ABCA7: variants seen among roughly 807,000 people sequenced by gnomAD.
ABCA7 encodes phospholipid-transporting ATPase ABCA7.
Under a neutral mutation model 227.6 loss-of-function variants are expected in ABCA7, and 261 were observed. The ratio of observed to expected loss-of-function variants is 1.15; its 90% confidence interval spans 1.04 to 1.27. The LOEUF (loss-of-function observed/expected upper bound fraction) is 1.27. Ranked by LOEUF, ABCA7 falls within the 50% of genes most tolerant of loss-of-function variation. The pLI, the probability that ABCA7 is intolerant of heterozygous loss-of-function variation, is 0.00. For missense variants in ABCA7, 3,331 were observed against 2,924.5 expected (o/e 1.14, Z -3.21); for synonymous variants, 1,488 against 1,279.7 (o/e 1.16, Z -3.47).
rs776612124 is a variant in ABCA7 at position 1,050,759 on chromosome 19, A to G, written c.2553-162A>G. On this transcript the variant is annotated intron_variant, in intron 18 of 46. Transcript: ENST00000263094. ...CGTGCCGCTGCACTCCAGCCTGGGC[A>G]ACAGAGTGAAACTCCGTCTCAAAAA... Among the ~76,000 whole-genome samples, 295 of 149,894 alleles carry G rather than the reference A, an allele frequency of 2.0e-3. 2 individuals carry two copies. The highest frequency in any genetic ancestry group is 3.4e-3 in the Non-Finnish European group (231 of 67,702).
Position 1,052,112 on chromosome 19 carries a change from A to G in ABCA7, c.3133A>G (p.Thr1045Ala), listed in dbSNP as rs1304271543. Residue 1045 changes from threonine to alanine, a missense_variant, in exon 22 of 47, where the codon ACC becomes GCC. Thr to Ala is a moderately conservative substitution (Grantham distance 58). Coordinates refer to ENST00000263094, the MANE Select transcript of ABCA7 (RefSeq NM_019112.4). ...GCTGGTGAAGGCCCGCCTGCCCCTGACCACCAATGAGAAGGTGGGGACCGG... is the reference window on the plus strand; with the variant it reads ...GCTGGTGAAGGCCCGCCTGCCCCTGGCCACCAATGAGAAGGTGGGGACCGG... ...LTLVKARLPL[T>A]TNEKADTDME... 1.9e-6 allele frequency: 3 copies of G among 1,612,042 alleles called. No homozygotes were observed. The Admixed American group carries it at 5.0e-5, about 27-fold the overall frequency.
In ABCA7 at chr19:1,058,143, C is replaced by T; in HGVS notation, c.5026-3C>T. The T allele has an allele frequency of 1.2e-6, 2 of 1,613,936 alleles. No individual in the cohort carries two copies. Among genetic ancestry groups the T allele is most frequent in the Non-Finnish European group, 1.7e-6 (2 of 1,179,970 alleles). On this transcript the variant is annotated splice_region_variant and splice_polypyrimidine_tract_variant and intron_variant, in intron 36 of 46. Coordinates refer to ENST00000263094, the MANE Select transcript of ABCA7 (RefSeq NM_019112.4). ...CCAACATCCGTCTCCCACCCTTGAG[C>T]AGAAGCTGCAGGAGGTGAGCCGGAT...
At position 1,056,468 on chromosome 19, in the gene ABCA7, C is replaced by G. The variant is rs1326415091; in HGVS notation, c.4555C>G (p.Leu1519Val). The stretch of plus-strand genomic sequence containing the variant: ...CACCACACTCAACCACCCCTTGAAC[C>G]TCACCAAGGAGCAGCTGTCTGAGGG... ...SITTLNHPLN[L>V]TKEQLSEGAL... The change falls in exon 33 of 47, where the codon CTC (leucine) becomes GTC (valine). Residue 1519 changes from leucine (L) to valine (V), a missense_variant. Leu to Val is a conservative substitution (Grantham distance 32). Coordinates refer to ENST00000263094, the MANE Select transcript of ABCA7 (RefSeq NM_019112.4). The surrounding 1 kb of genome is among the most constrained non-coding windows in gnomAD (Gnocchi z 4.3). The G allele has an allele frequency of 4.3e-6, 7 of 1,613,432 alleles. No homozygotes were observed. Among genetic ancestry groups the G allele is most frequent in the Non-Finnish European group, 5.9e-6 (7 of 1,179,998 alleles).
chr19:1,045,374 C>A, intron 12 of ABCA7, 143 bp downstream of exon 12: 1 of 889,192 alleles, frequency 1.1e-6, no homozygotes, highest in Non-Finnish European at 1.7e-6. Flanking sequence ...AGCCAGAGCC[C>A]GGGGCTCCTT....
In ABCA7 at chr19:1,042,316, C is replaced by G. The variant is rs1366219978; in HGVS notation, c.417C>G (p.Ala139=). The change falls in exon 6 of 47, where the codon GCC becomes GCG. Residue 139 remains alanine (A), a splice_region_variant and synonymous_variant. Transcript: ENST00000263094. ...TGCTCCCGTGCGCTCCTCCCCCAGC[C>G]CAGCCTCAACCAACCAAGCAGTCTC... ...IATLRAARST[A]QPQPTKQSPL... is the part of the protein sequence containing the mutation. The G allele has an allele frequency of 1.3e-6, 2 of 1,575,970 alleles. No individual in the cohort carries two copies. Among genetic ancestry groups the G allele is most frequent in the African/African-American group, 1.3e-5 (1 of 74,582 alleles).
chr19:1,051,927 G>C lies in ABCA7; in HGVS notation c.2963-15G>C. 3 of 1,607,464 alleles carry C rather than the reference G, an allele frequency of 1.9e-6. No individual in the cohort carries two copies. Among genetic ancestry groups the C allele is most frequent in the Non-Finnish European group, 2.5e-6 (3 of 1,177,460 alleles). On this transcript the variant is annotated splice_polypyrimidine_tract_variant and intron_variant, in intron 21 of 46. Transcript: ENST00000263094. The stretch of plus-strand genomic sequence containing the variant: ...GCGGCCTGATGGTAGTTGTGGGTTG[G>C]TCCCCCGTGCCTAGGTCGCACGCTG...
rs2041971596 is a variant in ABCA7 at position 1,053,538 on chromosome 19, G to C, written c.3423+7G>C. 3 of 1,556,980 alleles carry C rather than the reference G, an allele frequency of 1.9e-6. No individual in the cohort carries two copies. Among genetic ancestry groups the C allele is most frequent in the East Asian group, 2.4e-5 (1 of 41,846 alleles). On this transcript the variant is annotated splice_region_variant and intron_variant, in intron 24 of 46. Transcript: ENST00000263094. ...CGACACCAGCCTCGAGGAGGTGTGAGGCCTGGGTGGTGGTGAGGTGGGGCC... is the reference window on the plus strand; with the variant it reads ...CGACACCAGCCTCGAGGAGGTGTGACGCCTGGGTGGTGGTGAGGTGGGGCC...
chr19:1,045,254 G>C, intron 12 of ABCA7, 23 bp downstream of exon 12: 2 of 1,572,410 alleles, frequency 1.3e-6, no homozygotes, highest in Non-Finnish European at 1.7e-6. Context: ...AGGGGGCGGG[G>C]GGATGAGGGA....
Position 1,053,823 on chromosome 19 carries a change from C to T in ABCA7, c.3459C>T (p.Asp1153=), listed in dbSNP as rs777937387. 1.2e-6 allele frequency: 2 copies of T among 1,612,128 alleles called. No individual in the cohort carries two copies. The highest frequency in any genetic ancestry group is 2.2e-5 in the South Asian group (2 of 90,944). The part of the protein sequence containing the change: ...FLKVVEECAA[D]TDMEDGSCGQ... ...AGGTGGTGGAGGAGTGTGCTGCGGA[C>T]ACAGATATGGAGGGTGCGGCCACAG... The change falls in exon 25 of 47, where the codon GAC becomes GAT. Residue 1153 remains aspartate (D), a synonymous_variant. Coordinates refer to ENST00000263094, the MANE Select transcript of ABCA7 (RefSeq NM_019112.4).
rs767500794 is a variant in ABCA7 at position 1,049,000 on chromosome 19, C to T, written c.2375C>T (p.Pro792Leu). 1.3e-6 allele frequency: 2 copies of T among 1,584,418 alleles called. No homozygotes were observed. Among genetic ancestry groups the T allele is most frequent in the African/African-American group, 2.7e-5 (2 of 73,830 alleles). The stretch of plus-strand genomic sequence containing the variant: ...GCCCCTTGCCCCACCCCGCTGGACC[C>T]AAAGGGTGAGGCACTACGAGGCTTA... ...SPAPCPTPLD[P>L]KVLVEEAPPG... The change falls in exon 17 of 47, where the codon CCA becomes CTA. Residue 792 changes from proline (P) to leucine (L), a missense_variant. Physicochemically the swap from Pro to Leu is moderately conservative, Grantham distance 98. Transcript: ENST00000263094.
At chr19:1,051,375 GA>G in intron 20 of ABCA7, 73 bp from the exon 21 acceptor site, 3 of 711,820 alleles carry the variant, frequency 4.2e-6, no homozygotes, top group Middle Eastern at 6.0e-4. Flanking sequence ...GCCGGGTACT[GA>G]GGTCCACGTG....
At chr19:1,064,295 G>A in intron 45 of ABCA7, 42 bp downstream of exon 45, 1 of 1,521,846 alleles carries the variant, frequency 6.6e-7, no homozygotes, top group Non-Finnish European at 8.8e-7. Context: ...GGTGAGGGTG[G>A]GCACGTAGGT....
Position 1,043,835 on chromosome 19 carries a change from G to A in ABCA7, c.1041G>A (p.Met347Ile). The change falls in exon 10 of 47, where the codon ATG becomes ATA. Residue 347 changes from methionine to isoleucine, a missense_variant. By Grantham distance (10) the Met-to-Ile change is conservative. Transcript: ENST00000263094. The part of the protein sequence containing the change: ...TFMNDSSNVA[M>I]LQRLLQMQDE... ...TGAACGACAGTTCCAATGTGGCCAT[G>A]CTGCAGGTGTGCGGGGGTGCTGGGG... 2 of 1,613,110 alleles carry A rather than the reference G, an allele frequency of 1.2e-6. No individual in the cohort carries two copies. The highest frequency in any genetic ancestry group is 1.7e-6 in the Non-Finnish European group (2 of 1,179,934).
intron 45 of ABCA7, 153 bp from the exon 46 acceptor site, chr19:1,064,778 G>T (rs1422132809): frequency 1.6e-6 from 2 of 1,248,388 alleles, no homozygotes; most frequent in Non-Finnish European, 2.1e-6. Context: ...CTACGCGGGC[G>T]GGGGGTGGCG....
chr19:1,041,701 C>A, intron 3 of ABCA7, 98 bp downstream of exon 3: 1 of 1,576,248 alleles, frequency 6.3e-7, no homozygotes, highest in Admixed American at 1.7e-5. Context: ...GGAGCCTTCA[C>A]CAGGCCGCCA....
At position 1,043,348 on chromosome 19, in the gene ABCA7, G is replaced by A. The variant is rs77419367; in HGVS notation, c.805G>A (p.Glu269Lys). ...CCCCATCCCAGGCCCCGCCTGCTCG[G>A]AGCTGATTGGAGCCCTGGACAGCCA... The part of the protein sequence containing the change: ...PDSSLSPACS[E>K]LIGALDSHPL... Residue 269 changes from glutamate (E) to lysine (K), a missense_variant, in exon 9 of 47, where the codon GAG (glutamate) becomes AAG (lysine). By Grantham distance (56) the Glu-to-Lys change is moderately conservative. Coordinates refer to ENST00000263094, the MANE Select transcript of ABCA7 (RefSeq NM_019112.4). The A allele has an allele frequency of 1.9e-5, 30 of 1,613,116 alleles. No individual in the cohort carries two copies. The East Asian group carries it at 6.5e-4, about 35-fold the overall frequency.
rs537223763 is a variant in ABCA7, at chr19:1,046,323, A to C, written c.1539A>C (p.Ala513=). The part of the protein sequence containing the change: ...FVYLQDLVER[A]AVRVLSGANP... ...ACCTGCAAGACCTGGTGGAGCGTGCAGCCGTCCGCGTGCTCAGCGGCGCCA... is the reference window on the plus strand; with the variant it reads ...ACCTGCAAGACCTGGTGGAGCGTGCCGCCGTCCGCGTGCTCAGCGGCGCCA... Residue 513 remains alanine (A), a synonymous_variant, in exon 13 of 47, where the codon GCA becomes GCC. Coordinates refer to ENST00000263094, the MANE Select transcript of ABCA7 (RefSeq NM_019112.4). 13 of 1,603,866 alleles carry C rather than the reference A, an allele frequency of 8.1e-6. No homozygotes were observed. The South Asian group carries it at 1.2e-4, about 15-fold the overall frequency.
chr19:1,064,909 G>T (rs1471213965), intron 45 of ABCA7, 22 bp from the exon 46 acceptor site: 1 of 1,554,824 alleles, frequency 6.4e-7, no homozygotes, highest in Admixed American at 1.9e-5. Context: ...CGATCCGGTA[G>T]CCCTGGCCCC....
In ABCA7 at chr19:1,046,950, C is replaced by T. The variant is rs758537501; in HGVS notation, c.1771C>T (p.Leu591Phe). ...CGCCATGGGGCTCAGCCGCGCGGTG[C>T]TCTGGCTAGGCTGGTTCCTCAGCTG... ...MRAMGLSRAV[L>F]WLGWFLSCLG... Residue 591 changes from leucine to phenylalanine, a missense_variant, in exon 14 of 47, where the codon CTC (leucine) becomes TTC (phenylalanine). Physicochemically the swap from Leu to Phe is conservative, Grantham distance 22 (BLOSUM62 0). Transcript: ENST00000263094. 6.4e-7 allele frequency: 1 copy of T among 1,570,912 alleles called. No individual in the cohort carries two copies. Among genetic ancestry groups the T allele is most frequent in the Admixed American group, 1.9e-5 (1 of 53,854 alleles).
Sources: allele counts gnomAD v4.1 joint callset (sites outside exome capture counted in the v4.1 genomes callset), GRCh38; gene constraint gnomAD v4.1.1; non-coding constraint Gnocchi (gnomAD v3.1); transcripts MANE v1.5; gene names NCBI Gene and HGNC (gene_info 2026-07-23, HGNC 2026-07-21).